Variants in F2 observed in about 807,000 individuals in gnomAD.
F2 encodes prothrombin.
In F2, 34 loss-of-function variants were observed where a neutral mutation model predicts 81.9. That is an observed-to-expected ratio of 0.42 (90% CI 0.32 to 0.55). The LOEUF (loss-of-function observed/expected upper bound fraction) is 0.55, where lower values mean the gene tolerates loss of function less well. Among genes scored for constraint, F2 ranks in the 20% least tolerant of loss-of-function variants. The probability of loss-of-function intolerance (pLI) is 0.18; values close to 1 mark genes in which losing one functional copy is unlikely to be tolerated. For synonymous variants in F2, 296 were observed against 326.4 expected (o/e 0.91, Z 1.01); for missense variants, 630 against 833.4 (o/e 0.76, Z 3.00).
In F2 at chr11:46,719,689, C is replaced by A. The variant is rs769031043; in HGVS notation, c.80-13C>A. 3 of 1,581,988 alleles carry A rather than the reference C, an allele frequency of 1.9e-6. No homozygotes were observed. Among genetic ancestry groups the A allele is most frequent in the South Asian group, 1.2e-5 (1 of 85,968 alleles). On this transcript the variant is annotated splice_polypyrimidine_tract_variant and intron_variant, in intron 1 of 13. Transcript: ENST00000311907. This position sits in a 1 kb window ranked among gnomAD's most constrained non-coding sequence, Gnocchi z 4.7. ...TGAGGCCGCTGTCCCATGACCCCCC[C>A]ACCGCCTTACAGTGTTCCTGGCTCC...
intron 4 of F2, 68 bp downstream of exon 4, chr11:46,720,908 G>A: frequency 1.3e-6 from 2 of 1,584,406 alleles, no homozygotes; most frequent in East Asian, 2.2e-5. Flanking sequence ...CTCAGGGGTG[G>A]GTTTGGAGTG....
At chr11:46,727,590 C>A (rs1293499227) in intron 9 of F2, among the ~76,000 whole-genome samples, 2 of 151,832 alleles carry the variant, frequency 1.3e-5, no homozygotes, top group Non-Finnish European at 2.9e-5. Flanking sequence ...CCAGCCTGGG[C>A]AAAATGGTAA....
intron 6 of F2, among the ~76,000 whole-genome samples, chr11:46,725,204 G>T (rs1002649560): frequency 1.3e-5 from 2 of 151,166 alleles, no homozygotes; most frequent in Non-Finnish European, 2.9e-5. Context: ...ATATAGCTGG[G>T]ATTACAGGCA....
In F2 at chr11:46,719,891, G is replaced by A; in HGVS notation, c.240+29G>A. ...AGCCTGGGCTGCTCGGACGGTGCCG[G>A]GGCCTCAGACCGGGCCCAACTCTAG... On this transcript the variant is annotated intron_variant, in intron 2 of 13. Coordinates refer to ENST00000311907, the MANE Select transcript of F2 (RefSeq NM_000506.5). The surrounding 1 kb of genome is among the most constrained non-coding windows in gnomAD (Gnocchi z 4.7). The A allele has an allele frequency of 6.4e-7, 1 of 1,550,506 alleles. No homozygotes were observed. The highest frequency in any genetic ancestry group is 8.7e-7 in the Non-Finnish European group (1 of 1,149,182).
Position 46,728,742 on chromosome 11 carries a change from G to A in F2, c.1377G>A (p.Leu459=). 6.2e-7 allele frequency: 1 copy of A among 1,614,234 alleles called. No individual in the cohort carries two copies. Among genetic ancestry groups the A allele is most frequent in the Non-Finnish European group, 8.5e-7 (1 of 1,180,048 alleles). Residue 459 remains leucine, a synonymous_variant, in exon 11 of 14, where the codon CTG becomes CTA. Transcript: ENST00000311907. This position sits in a 1 kb window ranked among gnomAD's most constrained non-coding sequence, Gnocchi z 5.1. The part of the protein sequence containing the change: ...IHPRYNWREN[L]DRDIALMKLK... ...CCAGGTACAACTGGCGGGAGAACCT[G>A]GACCGGGACATTGCCCTGATGAAGC...
At chr11:46,732,333 C>T (rs1272280761) in intron 12 of F2, among the ~76,000 whole-genome samples, 1 of 150,126 alleles carries the variant, frequency 6.7e-6, no homozygotes, top group Non-Finnish European at 1.5e-5. Flanking sequence ...TATTGCTTTC[C>T]TTCCTTTCAT....
chr11:46,736,907 A>G (rs2064947367), intron 12 of F2, among the ~76,000 whole-genome samples: 1 of 152,184 alleles, frequency 6.6e-6, no homozygotes, highest in Admixed American at 6.6e-5. Flanking sequence ...GGGAGAATGG[A>G]CATATTTTTG....
intron 12 of F2, among the ~76,000 whole-genome samples, chr11:46,733,049 T>C (rs982616814): frequency 1.1e-4 from 16 of 152,126 alleles, no homozygotes; most frequent in African/African-American, 3.9e-4. Flanking sequence ...ATCTCTATCA[T>C]CTATATAAAA....
At position 46,728,456 on chromosome 11, in the gene F2, C is replaced by T. The variant is rs1279814287; in HGVS notation, c.1299-208C>T. Among the ~76,000 whole-genome samples the T allele has an allele frequency of 1.3e-5, 2 of 152,156 alleles. No individual in the cohort carries two copies. Among genetic ancestry groups the T allele is most frequent in the Admixed American group, 1.3e-4 (2 of 15,272 alleles). ...GGCGTGCAGCCTGTGCCCCTGTCCC[C>T]GTCCTCCAGGCTGTCTGACTCCAAA... On this transcript the variant is annotated intron_variant, in intron 10 of 13. Transcript: ENST00000311907. The surrounding 1 kb of genome is among the most constrained non-coding windows in gnomAD (Gnocchi z 5.1).
intron 4 of F2, among the ~76,000 whole-genome samples, chr11:46,721,769 A>T (rs3136442): frequency 1.3e-5 from 2 of 151,654 alleles, no homozygotes; most frequent in African/African-American, 4.9e-5. Context: ...GGCTCAGGCA[A>T]TTCTCCCATC....
At chr11:46,735,607 AGT>A (rs1312715733) in intron 12 of F2, among the ~76,000 whole-genome samples, 3 of 139,018 alleles carry the variant, frequency 2.2e-5, no homozygotes, top group Non-Finnish European at 3.1e-5. Flanking sequence ...TGGGCAACAG[AGT>A]GAGACCCTGT....
intron 6 of F2, 150 bp from the exon 7 acceptor site, chr11:46,725,709 T>G: frequency 1.1e-6 from 1 of 893,844 alleles, no homozygotes; most frequent in South Asian, 1.4e-5. Context: ...TAGTAACCCC[T>G]TTAAAGGCAA....
intron 12 of F2, among the ~76,000 whole-genome samples, chr11:46,738,177 T>A (rs1050727396): frequency 6.6e-6 from 1 of 151,734 alleles, no homozygotes; most frequent in South Asian, 2.1e-4. Context: ...ATTTTTGTAT[T>A]TTTAGTAGAG....
rs2064823354 is a variant in F2, at chr11:46,719,748, G to C, written c.126G>C (p.Arg42=). ...CACGGTCGCTGCTCCAGCGGGTCCG[G>C]CGAGCCAACACCTTCTTGGAGGAGG... ...QQARSLLQRV[R]RANTFLEEVR... The change falls in exon 2 of 14, where the codon CGG becomes CGC. Residue 42 remains arginine, a synonymous_variant. Transcript: ENST00000311907. The surrounding 1 kb of genome is among the most constrained non-coding windows in gnomAD (Gnocchi z 4.7). 1 of 1,596,408 alleles carries C rather than the reference G, an allele frequency of 6.3e-7. No individual in the cohort carries two copies. Among genetic ancestry groups the C allele is most frequent in the Non-Finnish European group, 8.5e-7 (1 of 1,172,800 alleles).
chr11:46,728,255 T>C lies in F2; in HGVS notation c.1298+92T>C. ...CCTGGTGGCTCCGGGACACATAGGA[T>C]GTTCTGTATACCCCCCAGAATATAA... On this transcript the variant is annotated intron_variant, in intron 10 of 13. Coordinates refer to ENST00000311907, the MANE Select transcript of F2 (RefSeq NM_000506.5). This position sits in a 1 kb window ranked among gnomAD's most constrained non-coding sequence, Gnocchi z 5.1. The C allele has an allele frequency of 7.6e-7, 1 of 1,318,658 alleles. No homozygotes were observed. Among genetic ancestry groups the C allele is most frequent in the Non-Finnish European group, 1.1e-6 (1 of 937,566 alleles). 81.7% of individuals were successfully genotyped at this position (1,318,658 alleles called of 1,614,324 possible). A position where few individuals can be genotyped will look rare whatever the true frequency, so the allele number is the denominator to read the frequency against.
chr11:46,728,412 TAG>T lies in F2; in HGVS notation c.1299-249_1299-248del, dbSNP rs369410175. 2.8e-4 allele frequency among the ~76,000 whole-genome samples: 42 copies of T among 152,204 alleles called. No individual in the cohort carries two copies. The highest frequency in any genetic ancestry group is 2.7e-3 in the East Asian group (14 of 5,172). On this transcript the variant is annotated intron_variant, in intron 10 of 13. Transcript: ENST00000311907. This position sits in a 1 kb window ranked among gnomAD's most constrained non-coding sequence, Gnocchi z 5.1. ...TAGCCCATGTGGGAGTCTCTGAAAATAGAGTCTGTCTGGACTAGGGCGTGCAG... is the reference window on the plus strand; with the variant it reads ...TAGCCCATGTGGGAGTCTCTGAAAATAGTCTGTCTGGACTAGGGCGTGCAG...
chr11:46,720,242 G>T, intron 2 of F2: 1 of 561,748 alleles, frequency 1.8e-6, no homozygotes, highest in South Asian at 2.0e-5. Context: ...GCTCTGTGTC[G>T]CCTTTCCTGT....
At position 46,726,439 on chromosome 11, in the gene F2, C is replaced by CT. The variant is rs761662583; in HGVS notation, c.875-58dup. On this transcript the variant is annotated intron_variant, in intron 7 of 13. Transcript: ENST00000311907. The surrounding 1 kb of genome is among the most constrained non-coding windows in gnomAD (Gnocchi z 5.9). ...AGGCCCGTAGGGGAATTGGGGGGATCTAGGGGATGGGTGAGGAATGGCCCA... is the reference window on the plus strand; with the variant it reads ...AGGCCCGTAGGGGAATTGGGGGGATCTTAGGGGATGGGTGAGGAATGGCCCA... The CT allele has an allele frequency of 1.7e-3, 2,700 of 1,585,530 alleles. 10 individuals carry two copies. The highest frequency in any genetic ancestry group is 2.1e-3 in the South Asian group (185 of 87,448).
At chr11:46,736,072 G>A (rs866644407) in intron 12 of F2, among the ~76,000 whole-genome samples, 2 of 149,004 alleles carry the variant, frequency 1.3e-5, no homozygotes, top group African/African-American at 5.0e-5. Context: ...GCATGGTGGT[G>A]TGCGCCTGTA....
Sources: gnomAD v4.1 joint callset for allele counts (sites outside exome capture counted in the v4.1 genomes callset) on GRCh38, gnomAD v4.1.1 for gene constraint, Gnocchi (gnomAD v3.1) non-coding constraint, MANE v1.5 for transcripts, NCBI Gene and HGNC (gene_info 2026-07-23, HGNC 2026-07-21) for gene names.